MPPED2: variants seen among roughly 807,000 people sequenced by gnomAD.
MPPED2 encodes metallophosphoesterase domain containing 2.
In MPPED2, 5 loss-of-function variants were observed where a neutral mutation model predicts 33.0. That is an observed-to-expected ratio of 0.15 (90% CI 0.08 to 0.32). The LOEUF (loss-of-function observed/expected upper bound fraction) is 0.32, where lower values mean the gene tolerates loss of function less well. Ranked by LOEUF, MPPED2 falls within the 10% of genes least tolerant of loss-of-function variation. The probability of loss-of-function intolerance (pLI) is 1.00; values close to 1 mark genes in which losing one functional copy is unlikely to be tolerated. For synonymous variants in MPPED2, 136 were observed against 141.9 expected (o/e 0.96, Z 0.29); for missense variants, 275 against 372.1 (o/e 0.74, Z 2.15).
chr11:30,501,759 T>C (rs1952574522), intron 3 of MPPED2: 1 of 194,304 alleles, frequency 5.1e-6, no homozygotes, highest in South Asian at 1.8e-4. Flanking sequence ...GCTATGCACA[T>C]GTCTGATGAA....
intron 4 of MPPED2, among the ~76,000 whole-genome samples, chr11:30,476,431 T>G (rs1951200503): frequency 6.6e-6 from 1 of 152,000 alleles, no homozygotes; most frequent in Admixed American, 6.6e-5. Flanking sequence ...TAATTATTTT[T>G]GTATGTGGTA....
chr11:30,523,703 C>T (rs1954003687), intron 3 of MPPED2, among the ~76,000 whole-genome samples: 1 of 149,720 alleles, frequency 6.7e-6, no homozygotes, highest in Non-Finnish European at 1.5e-5. Flanking sequence ...TCTCAGCTCA[C>T]CGCAACCTCC....
At position 30,417,542 on chromosome 11, in the gene MPPED2, G is replaced by A. The variant is rs751402444; in HGVS notation, c.628C>T (p.Leu210Phe). 3.1e-6 allele frequency: 5 copies of A among 1,611,678 alleles called. No individual in the cohort carries two copies. Among genetic ancestry groups the A allele is most frequent in the Non-Finnish European group, 4.2e-6 (5 of 1,178,098 alleles). ...WNLIPEGIDI[L>F]MTHGPPLGFR... ...CCTAGAGGAGGTCCATGTGTCATGA[G>A]TATGTCAATGCCCTCAGGGATGAGG... is the stretch of plus-strand genomic sequence containing the variant. The change falls in exon 5 of 7, where the codon CTC (leucine) becomes TTC (phenylalanine). Residue 210 changes from leucine to phenylalanine, a missense_variant. Physicochemically the swap from Leu to Phe is conservative, Grantham distance 22 (BLOSUM62 0). Coordinates refer to ENST00000358117, the MANE Select transcript of MPPED2 (RefSeq NM_001584.3).
At chr11:30,585,376 G>C (rs919296291) in intron 1 of MPPED2, among the ~76,000 whole-genome samples, 3 of 151,944 alleles carry the variant, frequency 2.0e-5, no homozygotes, top group African/African-American at 7.2e-5. Flanking sequence ...GAGCGAGAGC[G>C]GCGCGCGCGG....
intron 4 of MPPED2, among the ~76,000 whole-genome samples, chr11:30,475,690 A>T (rs969635377): frequency 1.3e-5 from 2 of 152,072 alleles, no homozygotes; most frequent in Non-Finnish European, 2.9e-5. Context: ...GGTGTTGGTT[A>T]TTGTGAATAA....
At chr11:30,401,898 C>T (rs1264082621) in intron 6 of MPPED2, among the ~76,000 whole-genome samples, 1 of 149,466 alleles carries the variant, frequency 6.7e-6, no homozygotes, top group East Asian at 1.9e-4. Flanking sequence ...AGGGTTTCAC[C>T]GTGTTAGCCA....
chr11:30,518,438 C>T (rs1009779870), intron 3 of MPPED2, among the ~76,000 whole-genome samples: 1 of 152,200 alleles, frequency 6.6e-6, no homozygotes, highest in Non-Finnish European at 1.5e-5. Context: ...GTTTCACAAG[C>T]ATCTTTATGT....
At chr11:30,533,452 C>A (rs1296581369) in intron 3 of MPPED2, among the ~76,000 whole-genome samples, 1 of 152,038 alleles carries the variant, frequency 6.6e-6, no homozygotes, top group Non-Finnish European at 1.5e-5. Context: ...GAGACCCATG[C>A]CCCACTGACA....
At chr11:30,388,911 G>A (rs762960813) in exon 7 of MPPED2, 5 of 1,567,302 alleles carry the variant, frequency 3.2e-6, no homozygotes, top group Admixed American at 1.9e-5. Flanking sequence ...TGAAGGCAGA[G>A]AACATATTTT....
intron 1 of MPPED2, among the ~76,000 whole-genome samples, chr11:30,583,892 T>A (rs1197242621): frequency 6.6e-6 from 1 of 152,212 alleles, no homozygotes; most frequent in Non-Finnish European, 1.5e-5. Flanking sequence ...GGAACTTGCC[T>A]GCTCCAAATC....
At chr11:30,575,261 GT>G (rs1176020526) in intron 2 of MPPED2, among the ~76,000 whole-genome samples, 1 of 152,168 alleles carries the variant, frequency 6.6e-6, no homozygotes, top group African/African-American at 2.4e-5. Flanking sequence ...TAGCCAAGTA[GT>G]TTAGAAAGGA....
At chr11:30,493,377 A>T (rs932590237) in intron 4 of MPPED2, among the ~76,000 whole-genome samples, 13 of 151,828 alleles carry the variant, frequency 8.6e-5, no homozygotes. Flanking sequence ...TCTCAAAAAA[A>T]AAAAAAAAAA....
chr11:30,540,747 CT>C (rs1462950058), intron 2 of MPPED2, among the ~76,000 whole-genome samples: 1 of 152,148 alleles, frequency 6.6e-6, no homozygotes, highest in African/African-American at 2.4e-5. Flanking sequence ...GTCCCTCCTT[CT>C]TAATCCTAGT....
chr11:30,548,764 C>A (rs188977812), intron 2 of MPPED2, among the ~76,000 whole-genome samples: 1 of 152,138 alleles, frequency 6.6e-6, no homozygotes, highest in Non-Finnish European at 1.5e-5. Flanking sequence ...GGGAGAGAGT[C>A]ATGAAAGGAT....
chr11:30,471,820 C>T (rs905552512), intron 4 of MPPED2, among the ~76,000 whole-genome samples: 4 of 152,130 alleles, frequency 2.6e-5, no homozygotes, highest in Admixed American at 2.0e-4. Context: ...ACCATTGATG[C>T]AGGGGTGCAC....
chr11:30,504,676 G>T, intron 3 of MPPED2: 2 of 840,658 alleles, frequency 2.4e-6, no homozygotes, highest in Non-Finnish European at 3.4e-6. Flanking sequence ...ACCTCAGTCT[G>T]TCCCCCGTCA....
intron 6 of MPPED2, among the ~76,000 whole-genome samples, chr11:30,392,655 C>G (rs947779105): frequency 6.6e-6 from 1 of 152,220 alleles, no homozygotes; most frequent in Non-Finnish European, 1.5e-5. Flanking sequence ...CCAGTCCCTG[C>G]AAGCCACTGG....
chr11:30,582,097 C>G (rs975603502), intron 1 of MPPED2, among the ~76,000 whole-genome samples: 1 of 152,142 alleles, frequency 6.6e-6, no homozygotes, highest in African/African-American at 2.4e-5. Context: ...CTTAATTTCT[C>G]CCACAATTAT....
chr11:30,388,924 T>C (rs759266254), exon 7 of MPPED2: 7 of 1,567,088 alleles, frequency 4.5e-6, no homozygotes, highest in Non-Finnish European at 4.3e-6. Context: ...CATATTTTTG[T>C]CCTCAGTGCC....
Sources: gnomAD v4.1 joint callset for allele counts (sites outside exome capture counted in the v4.1 genomes callset) on GRCh38, gnomAD v4.1.1 for gene constraint, MANE v1.5 for transcripts, NCBI Gene and HGNC (gene_info 2026-07-23, HGNC 2026-07-21) for gene names.